ARHGAP21: variants seen among roughly 807,000 people sequenced by gnomAD.
The protein encoded by ARHGAP21 is Rho GTPase activating protein 21, also known as rho GTPase-activating protein 21.
A neutral mutation model predicts 164.6 loss-of-function variants in ARHGAP21; 38 were observed. That is an observed-to-expected ratio of 0.23 (90% CI 0.18 to 0.30). ARHGAP21 has a LOEUF of 0.30. Among genes scored for constraint, ARHGAP21 ranks in the 10% least tolerant of loss-of-function variants. The pLI is 1.00. For missense variants in ARHGAP21, 1,822 were observed against 2,370.7 expected (o/e 0.77, Z 4.81); for synonymous variants, 766 against 857.9 (o/e 0.89, Z 1.87).
At position 24,591,236 on chromosome 10, in the gene ARHGAP21, C is replaced by G. The variant is rs61753657; in HGVS notation, c.4139G>C (p.Gly1380Ala). Reference protein sequence around the residue: ...TNIGRTGVSPGDVSDSATSDS... With the variant: ...TNIGRTGVSPADVSDSATSDS... ...CAGGCAAGAGTTACCTGATACATCTCCTGGGGAGACTCCTGTCCTTCCAAT... is the reference window on the plus strand; with the variant it reads ...CAGGCAAGAGTTACCTGATACATCTGCTGGGGAGACTCCTGTCCTTCCAAT... The change falls in exon 24 of 26, where the codon GGA (glycine) becomes GCA (alanine). Residue 1380 changes from glycine to alanine, a missense_variant. Physicochemically the swap from Gly to Ala is moderately conservative, Grantham distance 60. Around this residue, in one of 5 missense-constraint regions of ARHGAP21, gnomAD observed 333 missense variants for 383.9 expected, o/e 0.87. Transcript: ENST00000396432. 1 of 1,611,812 alleles carries G rather than the reference C, an allele frequency of 6.2e-7. No homozygotes were observed. The highest frequency in any genetic ancestry group is 2.2e-4 in the Middle Eastern group (1 of 4,536).
chr10:24,613,708 C>T (rs555467244), intron 9 of ARHGAP21, among the ~76,000 whole-genome samples: 1 of 152,230 alleles, frequency 6.6e-6, no homozygotes, highest in African/African-American at 2.4e-5. Context: ...AGAGGAACTA[C>T]TGTGAAGTAG....
intron 2 of ARHGAP21, among the ~76,000 whole-genome samples, chr10:24,691,052 A>G (rs1842729483): frequency 6.6e-6 from 1 of 152,128 alleles, no homozygotes; most frequent in South Asian, 2.1e-4. Context: ...AAAATATAGT[A>G]GCAGAACTCA....
At chr10:24,644,419 C>A (rs886615955) in intron 4 of ARHGAP21, among the ~76,000 whole-genome samples, 3 of 152,146 alleles carry the variant, frequency 2.0e-5, no homozygotes, top group Admixed American at 6.5e-5. Context: ...TTAACAAATA[C>A]CTCCTTGGGG....
At chr10:24,685,003 A>G (rs1381593187) in intron 2 of ARHGAP21, among the ~76,000 whole-genome samples, 1 of 152,186 alleles carries the variant, frequency 6.6e-6, no homozygotes, top group African/African-American at 2.4e-5. Context: ...TCTGCTTTAT[A>G]TACACTTTAG....
intron 3 of ARHGAP21, among the ~76,000 whole-genome samples, chr10:24,667,402 C>T (rs919414719): frequency 6.6e-6 from 1 of 152,130 alleles, no homozygotes; most frequent in African/African-American, 2.4e-5. Context: ...CAGGTCATCA[C>T]TTACTGTACT....
intron 11 of ARHGAP21, 179 bp downstream of exon 11, chr10:24,607,320 T>G: frequency 1.6e-6 from 1 of 609,844 alleles, no homozygotes; most frequent in Non-Finnish European, 2.8e-6. Context: ...CTACCATGTT[T>G]GTGTGTTACT....
At chr10:24,625,334 A>G (rs1835035120) in intron 7 of ARHGAP21, among the ~76,000 whole-genome samples, 1 of 151,238 alleles carries the variant, frequency 6.6e-6, no homozygotes, top group Admixed American at 6.6e-5. Context: ...CCTGAAGAAT[A>G]AATAAGGTGG....
At chr10:24,644,291 G>C (rs1837352024) in intron 4 of ARHGAP21, among the ~76,000 whole-genome samples, 1 of 152,040 alleles carries the variant, frequency 6.6e-6, no homozygotes, top group South Asian at 2.1e-4. Context: ...AACAACAAAA[G>C]TTCTCTCCAC....
chr10:24,670,149 G>A (rs748890020), intron 3 of ARHGAP21, 69 bp downstream of exon 3: 13 of 1,127,046 alleles, frequency 1.2e-5, no homozygotes, highest in East Asian at 2.6e-5. Flanking sequence ...AAGGGTAAGA[G>A]GAAGACTAGA....
intron 8 of ARHGAP21, among the ~76,000 whole-genome samples, chr10:24,622,433 C>CATATAAATATATATATATATAT (rs1834641784): frequency 2.2e-5 from 2 of 89,766 alleles, no homozygotes; most frequent in African/African-American, 8.1e-5. Context: ...ACTTAAAAAA[C>CATATAAATATATATATATATAT]ATATATATAT....
rs138689941 is a variant in ARHGAP21 at position 24,679,524 on chromosome 10, T to C, written c.64-9127A>G. ...GCATATAATTACATGTTTACTTTTATAAGAAACTGCCAAACTGCTTTTCAG... is the reference window on the plus strand; with the variant it reads ...GCATATAATTACATGTTTACTTTTACAAGAAACTGCCAAACTGCTTTTCAG... On this transcript the variant is annotated intron_variant, in intron 2 of 25. Coordinates refer to ENST00000396432, the MANE Select transcript of ARHGAP21 (RefSeq NM_020824.4). Among the ~76,000 whole-genome samples the C allele has an allele frequency of 8.5e-5, 13 of 152,370 alleles. No individual in the cohort carries two copies. The East Asian group carries it at 2.5e-3, about 29-fold the overall frequency.
intron 24 of ARHGAP21, 126 bp downstream of exon 24, chr10:24,591,095 TTTTA>T (rs951720662): frequency 2.1e-5 from 21 of 1,010,082 alleles, no homozygotes; most frequent in Non-Finnish European, 3.0e-5. Flanking sequence ...GATTAAGGTT[TTTTA>T]TTAGTAGAAA....
intron 24 of ARHGAP21, chr10:24,590,242 C>G: frequency 1.4e-6 from 2 of 1,475,220 alleles, no homozygotes; most frequent in African/African-American, 1.4e-5. Flanking sequence ...TCAGAAATAA[C>G]AAGAAACAGC....
intron 4 of ARHGAP21, among the ~76,000 whole-genome samples, chr10:24,645,096 A>T (rs1837426366): frequency 6.6e-6 from 1 of 152,202 alleles, no homozygotes; most frequent in South Asian, 2.1e-4. Flanking sequence ...TCCACAAGGC[A>T]TCTTTAACTG....
In ARHGAP21 at chr10:24,584,985, C is replaced by T; in HGVS notation, c.5304G>A (p.Arg1768=). 1 of 1,613,994 alleles carries T rather than the reference C, an allele frequency of 6.2e-7. No homozygotes were observed. Among genetic ancestry groups the T allele is most frequent in the Non-Finnish European group, 8.5e-7 (1 of 1,179,880 alleles). The change falls in exon 26 of 26, where the codon CGG becomes CGA. Residue 1768 remains arginine, a synonymous_variant. Transcript: ENST00000396432. Reference sequence around the variant, plus strand: ...CAGGGGCTCTGGGTCTCAGTTTTAACCGATCTGCTATTTTCGTTTTCCATG... The same window carrying T: ...CAGGGGCTCTGGGTCTCAGTTTTAATCGATCTGCTATTTTCGTTTTCCATG... ...EPTWKTKIAD[R]LKLRPRAPAD... is the part of the protein sequence containing the mutation.
chr10:24,709,646 GAA>G (rs1844575495), intron 2 of ARHGAP21, among the ~76,000 whole-genome samples: 1 of 151,602 alleles, frequency 6.6e-6, no homozygotes, highest in South Asian at 2.1e-4. Flanking sequence ...AGACTGGACA[GAA>G]AGACTGCTTG....
At chr10:24,662,773 T>C (rs532480281) in intron 4 of ARHGAP21, among the ~76,000 whole-genome samples, 1 of 152,326 alleles carries the variant, frequency 6.6e-6, no homozygotes, top group African/African-American at 2.4e-5. Flanking sequence ...TCTCTCATTT[T>C]AAAGCCTTAG....
intron 13 of ARHGAP21, 116 bp downstream of exon 13, chr10:24,601,862 G>T (rs1459242193): frequency 2.3e-5 from 24 of 1,045,462 alleles, no homozygotes; most frequent in South Asian, 1.5e-4. Flanking sequence ...TTTATAAATG[G>T]TTTTTTTTTT....
intron 7 of ARHGAP21, among the ~76,000 whole-genome samples, chr10:24,625,233 T>A (rs1164717963): frequency 6.7e-6 from 1 of 150,240 alleles, no homozygotes; most frequent in African/African-American, 2.4e-5. Flanking sequence ...TAGTTCATTT[T>A]TTATACAGTC....
Sources: allele counts gnomAD v4.1 joint callset (sites outside exome capture counted in the v4.1 genomes callset), GRCh38; gene constraint gnomAD v4.1.1; regional missense constraint gnomAD v4.1.1; transcripts MANE v1.5; gene names NCBI Gene and HGNC (gene_info 2026-07-23, HGNC 2026-07-21).